Variants in TBC1D1 observed in about 807,000 individuals in gnomAD.
TBC1D1 encodes TBC1 domain family member 1, also known as TBC1 (tre-2/USP6, BUB2, cdc16) domain family, member 1.
Under a neutral mutation model 125.6 loss-of-function variants are expected in TBC1D1, and 89 were observed. The observed-to-expected ratio is 0.71, with a 90% CI of 0.60 to 0.85. TBC1D1 has a LOEUF of 0.85. Ranked by LOEUF, TBC1D1 falls within the 40% of genes least tolerant of loss-of-function variation. The probability of loss-of-function intolerance (pLI) is 0.00; values close to 1 mark genes in which losing one functional copy is unlikely to be tolerated. For missense variants in TBC1D1, 1,377 were observed against 1,469.2 expected, an observed-to-expected ratio of 0.94 and a Z score of 1.03; for synonymous variants, 565 against 564.1, an observed-to-expected ratio of 1.00 and a Z score of -0.02.
At chr4:37,912,051 T>A (rs1360469274) in intron 2 of TBC1D1, among the ~76,000 whole-genome samples, 1 of 152,174 alleles carries the variant, frequency 6.6e-6, no homozygotes, top group Non-Finnish European at 1.5e-5. Flanking sequence ...CATGGATGGA[T>A]CTTGTCTCAG....
chr4:37,911,181 A>G (rs1718556653), intron 2 of TBC1D1, among the ~76,000 whole-genome samples: 2 of 132,078 alleles, frequency 1.5e-5, no homozygotes, highest in African/African-American at 5.8e-5. Flanking sequence ...TTAATGACTG[A>G]ATGTTGCTCA....
intron 2 of TBC1D1, among the ~76,000 whole-genome samples, chr4:38,012,990 T>G (rs1011020239): frequency 6.6e-6 from 1 of 152,044 alleles, no homozygotes; most frequent in South Asian, 2.1e-4. Flanking sequence ...AGACGGGGTT[T>G]CACTATGTTG....
intron 15 of TBC1D1, among the ~76,000 whole-genome samples, chr4:38,103,712 A>G (rs1015687262): frequency 2.0e-5 from 3 of 152,220 alleles, no homozygotes; most frequent in African/African-American, 7.2e-5. Context: ...TGGGTTCTGA[A>G]TTTGGGGACT....
At chr4:38,054,858 C>G (rs1350665242) in intron 12 of TBC1D1, 1 of 155,674 alleles carries the variant, frequency 6.4e-6, no homozygotes, top group Non-Finnish European at 1.4e-5. Context: ...CTGATTCTTC[C>G]CTTGGGGTGG....
intron 16 of TBC1D1, among the ~76,000 whole-genome samples, chr4:38,116,160 T>C (rs1293290097): frequency 6.6e-6 from 1 of 152,120 alleles, no homozygotes; most frequent in Non-Finnish European, 1.5e-5. Context: ...TCTCAATTTG[T>C]AGATTGGAAA....
At chr4:37,917,161 T>C (rs1303454470) in intron 2 of TBC1D1, among the ~76,000 whole-genome samples, 1 of 151,950 alleles carries the variant, frequency 6.6e-6, no homozygotes, top group African/African-American at 2.4e-5. Flanking sequence ...CAAATACCTA[T>C]TACAGTTTAC....
intron 1 of TBC1D1, among the ~76,000 whole-genome samples, chr4:37,900,756 G>C (rs6851254): frequency 0.026 from 3,928 of 152,260 alleles, 184 homozygotes; most frequent in African/African-American, 0.09. Context: ...AAGGCGTTAG[G>C]ATACATCAAA....
chr4:37,967,153 A>G (rs1158653457), intron 2 of TBC1D1, among the ~76,000 whole-genome samples: 1 of 152,126 alleles, frequency 6.6e-6, no homozygotes, highest in Non-Finnish European at 1.5e-5. Context: ...ATTCACAAAG[A>G]GCTTCATTTG....
chr4:37,962,971 T>G (rs950873202), intron 2 of TBC1D1, among the ~76,000 whole-genome samples: 4 of 152,236 alleles, frequency 2.6e-5, no homozygotes, highest in African/African-American at 9.6e-5. Context: ...TTACAGTCAG[T>G]TTAAGTACTT....
chr4:38,120,984 A>G (rs998684150), intron 17 of TBC1D1, among the ~76,000 whole-genome samples: 1 of 152,240 alleles, frequency 6.6e-6, no homozygotes, highest in South Asian at 2.1e-4. Flanking sequence ...CAAAAAACAC[A>G]GAAGCCACCT....
At chr4:38,062,491 A>G (rs989818866) in intron 12 of TBC1D1, among the ~76,000 whole-genome samples, 1 of 152,100 alleles carries the variant, frequency 6.6e-6, no homozygotes, top group Non-Finnish European at 1.5e-5. Flanking sequence ...CTTTCTGTAT[A>G]ACTTTGCTTT....
At chr4:37,901,835 T>C (rs1296201310) in intron 1 of TBC1D1, among the ~76,000 whole-genome samples, 168 bp from the exon 2 acceptor site, 1 of 152,194 alleles carries the variant, frequency 6.6e-6, no homozygotes, top group Non-Finnish European at 1.5e-5. Context: ...AACCAGGTTT[T>C]ATATGGAATA....
chr4:38,115,882 T>C lies in TBC1D1; in HGVS notation c.2730T>C (p.Phe910=). 6.2e-7 allele frequency: 1 copy of C among 1,614,176 alleles called. No homozygotes were observed. The highest frequency in any genetic ancestry group is 8.5e-7 in the Non-Finnish European group (1 of 1,180,022). The stretch of plus-strand genomic sequence containing the variant: ...TTCATATGAGTGAGGAAGAGGCGTT[T>C]AAAATGCTCAAGTTTCTGATGTTTG... Residue 910 remains phenylalanine, a synonymous_variant, in exon 16 of 20, where the codon TTT becomes TTC. Coordinates refer to ENST00000261439, the MANE Select transcript of TBC1D1 (RefSeq NM_015173.4).
intron 2 of TBC1D1, among the ~76,000 whole-genome samples, chr4:37,984,732 A>C (rs1486670363): frequency 6.6e-6 from 1 of 151,596 alleles, no homozygotes; most frequent in African/African-American, 2.4e-5. Flanking sequence ...AATCCCAGCT[A>C]CTTGGGAGGC....
intron 13 of TBC1D1, among the ~76,000 whole-genome samples, chr4:38,090,322 A>G (rs1465543487): frequency 6.6e-6 from 1 of 152,204 alleles, no homozygotes; most frequent in African/African-American, 2.4e-5. Context: ...AACAATATTC[A>G]TTATTCCTCT....
At chr4:38,136,026 T>C (rs914013101) in intron 19 of TBC1D1, among the ~76,000 whole-genome samples, 2 of 151,682 alleles carry the variant, frequency 1.3e-5, no homozygotes, top group South Asian at 2.1e-4. Flanking sequence ...ATTAGTGAGA[T>C]AGACCAAGTC....
At chr4:37,929,499 G>A (rs935735861) in intron 2 of TBC1D1, among the ~76,000 whole-genome samples, 1 of 152,080 alleles carries the variant, frequency 6.6e-6, no homozygotes, top group Non-Finnish European at 1.5e-5. Flanking sequence ...TTGTTAACCC[G>A]TGCCCCCAGG....
chr4:38,101,964 C>G (rs143539969), intron 14 of TBC1D1, among the ~76,000 whole-genome samples: 2 of 152,096 alleles, frequency 1.3e-5, no homozygotes, highest in African/African-American at 4.8e-5. Context: ...CTTGATTGCT[C>G]AGTTAGAAAT....
At chr4:37,971,505 A>C (rs1401714681) in intron 2 of TBC1D1, among the ~76,000 whole-genome samples, 1 of 151,970 alleles carries the variant, frequency 6.6e-6, no homozygotes, top group East Asian at 1.9e-4. Context: ...GAGGGAAATC[A>C]CCCCCATGAT....
Sources: allele counts gnomAD v4.1 joint callset (sites outside exome capture counted in the v4.1 genomes callset), GRCh38; gene constraint gnomAD v4.1.1; transcripts MANE v1.5; gene names NCBI Gene and HGNC (gene_info 2026-07-23, HGNC 2026-07-21).